Variants in RALGPS1 observed in about 807,000 individuals in gnomAD.
The protein encoded by RALGPS1 is ras-specific guanine nucleotide-releasing factor RalGPS1.
RALGPS1 carries 19 observed loss-of-function variants against 78.8 expected under a neutral mutation model. The observed-to-expected ratio is 0.24, with a 90% CI of 0.17 to 0.35. The LOEUF is 0.35. RALGPS1 is among the 10% of genes least tolerant of loss of function. The pLI is 1.00. For missense variants in RALGPS1, 454 were observed against 688.3 expected (o/e 0.66, Z 3.81); for synonymous variants, 228 against 256.3 (o/e 0.89, Z 1.06).
rs557608142 is a variant in RALGPS1 at position 127,029,752 on chromosome 9, C to T, written c.217-4679C>T. On this transcript the variant is annotated intron_variant, in intron 4 of 18. Transcript: ENST00000259351. ...TCTTCAGAGAGGACTTGTCACCACTCCCCAGTCTCCTTTCCCAAGGCCTTA... is the reference window on the plus strand; with the variant it reads ...TCTTCAGAGAGGACTTGTCACCACTTCCCAGTCTCCTTTCCCAAGGCCTTA... Among the ~76,000 whole-genome samples, 14 of 152,330 alleles carry T rather than the reference C, an allele frequency of 9.2e-5. No homozygotes were observed. In the East Asian group the frequency reaches 1.7e-3, roughly 19 times the overall value.
intron 1 of RALGPS1, among the ~76,000 whole-genome samples, chr9:126,919,802 T>G (rs1463225235): frequency 2.6e-5 from 4 of 152,168 alleles, no homozygotes; most frequent in African/African-American, 9.7e-5. Context: ...GCCTTTGAGG[T>G]GCTCACATGC....
chr9:127,000,220 C>T (rs1402056405), intron 4 of RALGPS1, among the ~76,000 whole-genome samples: 2 of 151,946 alleles, frequency 1.3e-5, no homozygotes, highest in African/African-American at 4.8e-5. Context: ...AGTTCATATT[C>T]TTTCTTCTGC....
chr9:127,028,277 G>T (rs2046129412), intron 4 of RALGPS1, among the ~76,000 whole-genome samples: 1 of 152,262 alleles, frequency 6.6e-6, no homozygotes, highest in Admixed American at 6.5e-5. Context: ...CCCGGCTAAG[G>T]CCTGCAGCTC....
At chr9:127,028,653 G>A (rs773057828) in intron 4 of RALGPS1, among the ~76,000 whole-genome samples, 49 of 152,146 alleles carry the variant, frequency 3.2e-4, no homozygotes, top group Non-Finnish European at 5.3e-4. Flanking sequence ...ACTGCTCAGC[G>A]CTGCCTTTCC....
intron 4 of RALGPS1, among the ~76,000 whole-genome samples, chr9:127,022,124 T>C (rs995798184): frequency 6.6e-6 from 1 of 152,140 alleles, no homozygotes; most frequent in Admixed American, 6.5e-5. Flanking sequence ...TACATATATG[T>C]GTATACTGAT....
chr9:126,939,170 G>T (rs1006895599), intron 1 of RALGPS1, among the ~76,000 whole-genome samples: 2 of 152,156 alleles, frequency 1.3e-5, no homozygotes, highest in South Asian at 2.1e-4. Context: ...CTGCAGGGTC[G>T]CATGTGTCTG....
intron 8 of RALGPS1, chr9:127,088,961 G>T (rs774148995): frequency 1.2e-6 from 2 of 1,614,182 alleles, no homozygotes; most frequent in Non-Finnish European, 1.7e-6. Flanking sequence ...GTTGGGGTTC[G>T]GTCGGATCAT....
intron 13 of RALGPS1, among the ~76,000 whole-genome samples, chr9:127,197,320 C>T (rs1006021194): frequency 1.3e-5 from 2 of 152,136 alleles, no homozygotes; most frequent in African/African-American, 2.4e-5. Context: ...TTATTACTGC[C>T]GTCAGGCCAG....
intron 11 of RALGPS1, among the ~76,000 whole-genome samples, chr9:127,192,708 G>A (rs1217038502): frequency 6.6e-6 from 1 of 152,182 alleles, no homozygotes; most frequent in African/African-American, 2.4e-5. Context: ...AGAGTCATCA[G>A]CTATCCAATC....
rs940092485 is a variant in RALGPS1 at position 127,168,722 on chromosome 9, C to T, written c.792C>T (p.Ser264=). 5.0e-6 allele frequency: 8 copies of T among 1,613,784 alleles called. No homozygotes were observed. In the East Asian group the frequency reaches 1.1e-4, roughly 22 times the overall value. Reference sequence around the variant, plus strand: ...CCCATGTGCAGAAGTACCTGAAGTCCGTACGCTACATTGAAGAGCTCCAGA... The same window carrying T: ...CCCATGTGCAGAAGTACCTGAAGTCTGTACGCTACATTGAAGAGCTCCAGA... ...TLPHVQKYLK[S]VRYIEELQKF... is the part of the protein sequence containing the mutation. The change falls in exon 10 of 19, where the codon TCC becomes TCT. Residue 264 remains serine (S), a synonymous_variant. Transcript: ENST00000259351.
chr9:127,093,023 C>A (rs2052666632), intron 8 of RALGPS1, among the ~76,000 whole-genome samples: 1 of 152,068 alleles, frequency 6.6e-6, no homozygotes, highest in African/African-American at 2.4e-5. Context: ...TAAGCTGGGT[C>A]CATAACAGAA....
At chr9:127,062,683 T>G (rs1420543981) in intron 7 of RALGPS1, among the ~76,000 whole-genome samples, 2 of 152,198 alleles carry the variant, frequency 1.3e-5, no homozygotes, top group African/African-American at 2.4e-5. Context: ...TACTACATTT[T>G]CTACAAATTA....
At chr9:127,144,203 C>G (rs2057960998) in intron 8 of RALGPS1, among the ~76,000 whole-genome samples, 1 of 152,218 alleles carries the variant, frequency 6.6e-6, no homozygotes, top group East Asian at 1.9e-4. Flanking sequence ...CTGTCCCCCT[C>G]TAACAGTGCT....
intron 8 of RALGPS1, among the ~76,000 whole-genome samples, chr9:127,076,290 A>G (rs1212393692): frequency 6.6e-6 from 1 of 152,218 alleles, no homozygotes; most frequent in Non-Finnish European, 1.5e-5. Flanking sequence ...CCTTCAGGAA[A>G]TAACTAAATT....
At position 127,196,456 on chromosome 9, in the gene RALGPS1, T is replaced by C. The variant is rs760667311; in HGVS notation, c.1038-18T>C. On this transcript the variant is annotated intron_variant, in intron 12 of 18. Coordinates refer to ENST00000259351, the MANE Select transcript of RALGPS1 (RefSeq NM_014636.3). The stretch of plus-strand genomic sequence containing the variant: ...TAGATAAGGAGCTTTGCCTTCTTTC[T>C]TCCTTTCCATTTTCCAGTATGATGT... 2 of 1,602,622 alleles carry C rather than the reference T, an allele frequency of 1.2e-6. No individual in the cohort carries two copies. Among genetic ancestry groups the C allele is most frequent in the Non-Finnish European group, 8.5e-7 (1 of 1,172,444 alleles).
intron 1 of RALGPS1, among the ~76,000 whole-genome samples, chr9:126,953,231 G>A (rs1316914788): frequency 6.6e-6 from 1 of 152,158 alleles, no homozygotes; most frequent in Non-Finnish European, 1.5e-5. Flanking sequence ...AGAAAAAAGA[G>A]ATGTGGGATT....
chr9:126,973,787 T>C (rs1369771369), intron 3 of RALGPS1, among the ~76,000 whole-genome samples: 1 of 152,210 alleles, frequency 6.6e-6, no homozygotes, highest in African/African-American at 2.4e-5. Context: ...ACCACTACTC[T>C]ACTTTCTGAC....
intron 5 of RALGPS1, among the ~76,000 whole-genome samples, chr9:127,048,483 C>T (rs773304573): frequency 6.6e-6 from 1 of 152,186 alleles, no homozygotes; most frequent in African/African-American, 2.4e-5. Context: ...ACCTCAATTT[C>T]AGGAAGGTCT....
At chr9:127,083,886 G>A (rs1463072550) in intron 8 of RALGPS1, among the ~76,000 whole-genome samples, 1 of 152,142 alleles carries the variant, frequency 6.6e-6, no homozygotes, top group Non-Finnish European at 1.5e-5. Flanking sequence ...TGGAGTGGGG[G>A]AAGACAGATG....
Sources: gnomAD v4.1 joint callset for allele counts (sites outside exome capture counted in the v4.1 genomes callset) on GRCh38, gnomAD v4.1.1 for gene constraint, MANE v1.5 for transcripts, NCBI Gene and HGNC (gene_info 2026-07-23, HGNC 2026-07-21) for gene names.